The following SEC63 variants were observed in gnomAD, a reference collection of about 807,000 sequenced individuals.
The protein encoded by SEC63 is SEC63 protein translocation regulator, also known as translocation protein SEC63 homolog.
A neutral mutation model predicts 116.2 loss-of-function variants in SEC63; 56 were observed. The ratio of observed to expected loss-of-function variants is 0.48; its 90% CI spans 0.39 to 0.60. The LOEUF is 0.60. SEC63 is among the 20% of genes least tolerant of loss of function. SEC63 has a pLI of 0.00. For synonymous variants in SEC63, 273 were observed against 294.6 expected, an observed-to-expected ratio of 0.93 and a Z score of 0.75; for missense variants, 668 against 900.0, an observed-to-expected ratio of 0.74 and a Z score of 3.30.
chr6:107,903,050 G>A (rs765968432), intron 11 of SEC63, 52 bp from the exon 12 acceptor site: 34 of 1,588,432 alleles, frequency 2.1e-5, no homozygotes, highest in Non-Finnish European at 2.9e-5. Flanking sequence ...TACATGTTCA[G>A]GAGTATACAA....
intron 4 of SEC63, among the ~76,000 whole-genome samples, chr6:107,918,591 C>T (rs1416802943): frequency 1.3e-5 from 2 of 151,110 alleles, no homozygotes; most frequent in Non-Finnish European, 2.9e-5. Flanking sequence ...ACTCGGGAGG[C>T]TGAGGAAGAA....
At chr6:107,924,504 T>C (rs1027618054) in intron 3 of SEC63, among the ~76,000 whole-genome samples, 3 of 151,426 alleles carry the variant, frequency 2.0e-5, no homozygotes, top group African/African-American at 7.3e-5. Context: ...AGGCGGAGCT[T>C]GCAGTGAGCC....
At chr6:107,917,394 C>T (rs1208321788) in intron 4 of SEC63, among the ~76,000 whole-genome samples, 1 of 152,018 alleles carries the variant, frequency 6.6e-6, no homozygotes, top group Non-Finnish European at 1.5e-5. Flanking sequence ...TCTTTAATTC[C>T]TCTAGGGCCG....
At chr6:107,954,901 T>C (rs1396822892) in intron 1 of SEC63, 2 of 152,200 alleles carry the variant, frequency 1.3e-5, no homozygotes, top group East Asian at 3.8e-4. Flanking sequence ...ATGATTAGAA[T>C]AGCATTTAAG....
intron 10 of SEC63, among the ~76,000 whole-genome samples, chr6:107,905,886 GAAGT>G (rs1787137791): frequency 2.0e-5 from 3 of 152,160 alleles, no homozygotes; most frequent in Admixed American, 1.3e-4. Context: ...AACCATTTGT[GAAGT>G]AATTATGTAG....
intron 19 of SEC63, among the ~76,000 whole-genome samples, chr6:107,874,242 A>G (rs186049300): frequency 1.3e-5 from 2 of 152,194 alleles, no homozygotes; most frequent in East Asian, 3.8e-4. Context: ...ATTAAATGAT[A>G]TTCTACAAAA....
chr6:107,945,800 A>T (rs1343996172), intron 1 of SEC63, among the ~76,000 whole-genome samples: 1 of 152,218 alleles, frequency 6.6e-6, no homozygotes, highest in Non-Finnish European at 1.5e-5. Flanking sequence ...TTAAGGGAAC[A>T]GGCATCTAAG....
intron 4 of SEC63, 48 bp downstream of exon 4, chr6:107,921,749 G>T: frequency 3.4e-6 from 4 of 1,174,734 alleles, no homozygotes; most frequent in Non-Finnish European, 5.1e-6. Context: ...ACTGCACCTG[G>T]CTTATCTGTA....
intron 1 of SEC63, among the ~76,000 whole-genome samples, chr6:107,955,720 T>C (rs1013938463): frequency 3.5e-4 from 53 of 151,826 alleles, no homozygotes; most frequent in African/African-American, 1.3e-3. Flanking sequence ...ACCCCATCTT[T>C]ACTAAAAACA....
At chr6:107,952,641 C>T (rs866041550) in intron 1 of SEC63, among the ~76,000 whole-genome samples, 13 of 152,140 alleles carry the variant, frequency 8.5e-5, no homozygotes, top group Middle Eastern at 3.4e-3. Context: ...ACCTGTAATA[C>T]CAGCTACTTG....
chr6:107,885,567 A>G (rs368906807), intron 16 of SEC63, among the ~76,000 whole-genome samples: 1 of 152,206 alleles, frequency 6.6e-6, no homozygotes, highest in Non-Finnish European at 1.5e-5. Context: ...TAACATGTCA[A>G]TTCTCCCCAT....
At chr6:107,913,233 A>G in intron 5 of SEC63, 133 bp downstream of exon 5, 1 of 690,258 alleles carries the variant, frequency 1.4e-6, no homozygotes, top group Non-Finnish European at 2.5e-6. Context: ...AATTAATGAG[A>G]GCTCAATTTA....
intron 13 of SEC63, 50 bp from the exon 14 acceptor site, chr6:107,897,781 T>A: frequency 1.6e-6 from 2 of 1,262,940 alleles, no homozygotes; most frequent in Non-Finnish European, 2.3e-6. Context: ...TCAAGTTCTA[T>A]GTTAATGCAA....
At chr6:107,932,378 C>T (rs1402303636) in intron 1 of SEC63, 1 of 151,990 alleles carries the variant, frequency 6.6e-6, no homozygotes, top group African/African-American at 2.4e-5. Context: ...GTTCCAAAAC[C>T]ACCAGGTAAG....
intron 1 of SEC63, among the ~76,000 whole-genome samples, chr6:107,951,485 C>T (rs756756744): frequency 1.3e-5 from 2 of 152,052 alleles, no homozygotes; most frequent in Non-Finnish European, 2.9e-5. Flanking sequence ...TAGCAAAGAG[C>T]ACATAGCAAA....
At chr6:107,892,026 G>A (rs999951119) in intron 16 of SEC63, among the ~76,000 whole-genome samples, 1 of 152,242 alleles carries the variant, frequency 6.6e-6, no homozygotes, top group African/African-American at 2.4e-5. Flanking sequence ...ATTCATGGGA[G>A]TCAGGGACCC....
At chr6:107,919,394 T>C (rs532002111) in intron 4 of SEC63, among the ~76,000 whole-genome samples, 4 of 152,332 alleles carry the variant, frequency 2.6e-5, no homozygotes, top group African/African-American at 9.6e-5. Flanking sequence ...TTGAGCAAAG[T>C]AGCTTCTTAA....
At chr6:107,892,639 C>T (rs1291975218) in intron 16 of SEC63, among the ~76,000 whole-genome samples, 2 of 152,088 alleles carry the variant, frequency 1.3e-5, no homozygotes, top group African/African-American at 2.4e-5. Flanking sequence ...GGACTCTTAT[C>T]CAGAATATAT....
intron 1 of SEC63, among the ~76,000 whole-genome samples, chr6:107,943,625 T>C (rs558163518): frequency 6.6e-6 from 1 of 152,198 alleles, no homozygotes. Context: ...CAATTTAAAA[T>C]AGGAAGCTCA....
Sources: gnomAD v4.1 joint callset for allele counts (sites outside exome capture counted in the v4.1 genomes callset) on GRCh38, gnomAD v4.1.1 for gene constraint, MANE v1.5 for transcripts, NCBI Gene and HGNC (gene_info 2026-07-23, HGNC 2026-07-21) for gene names.